CHL1: variants seen among roughly 807,000 people sequenced by gnomAD.
CHL1 encodes the protein cell adhesion molecule L1 like, also known as neural cell adhesion molecule L1-like protein.
Under a neutral mutation model 141.9 loss-of-function variants are expected in CHL1, and 96 were observed. That is an observed-to-expected ratio of 0.68 (90% CI 0.57 to 0.80). The LOEUF (loss-of-function observed/expected upper bound fraction) is 0.80. CHL1 is among the 30% of genes least tolerant of loss of function. CHL1 has a pLI of 0.00. For synonymous variants in CHL1, 613 were observed against 502.2 expected (o/e 1.22, Z -2.95); for missense variants, 1,820 against 1,457.2 (o/e 1.25, Z -4.05).
chr3:388,032 C>G (rs1707898368), intron 19 of CHL1, among the ~76,000 whole-genome samples: 2 of 152,260 alleles, frequency 1.3e-5, no homozygotes, highest in African/African-American at 2.4e-5. Flanking sequence ...ACATTGTTGA[C>G]TCACTCACAT....
chr3:338,663 C>T (rs776714274), intron 5 of CHL1, among the ~76,000 whole-genome samples: 15 of 152,138 alleles, frequency 9.9e-5, no homozygotes, highest in South Asian at 2.1e-4. Context: ...TATAAGTATG[C>T]GTCCCTGTTT....
At chr3:315,602 G>T (rs1452007774) in intron 2 of CHL1, among the ~76,000 whole-genome samples, 5 of 152,082 alleles carry the variant, frequency 3.3e-5, no homozygotes, top group African/African-American at 7.2e-5. Flanking sequence ...AAGAGGCAAA[G>T]AATTTTATTT....
At chr3:260,846 T>C (rs1369807446) in intron 2 of CHL1, among the ~76,000 whole-genome samples, 1 of 152,186 alleles carries the variant, frequency 6.6e-6, no homozygotes, top group Non-Finnish European at 1.5e-5. Context: ...GCCAAATGGT[T>C]TTTAAATGAG....
chr3:202,795 T>C (rs574690377), intron 1 of CHL1, among the ~76,000 whole-genome samples: 1 of 152,380 alleles, frequency 6.6e-6, no homozygotes, highest in East Asian at 1.9e-4. Flanking sequence ...CTTTATTCTC[T>C]GAAGATCTCA....
At chr3:235,901 A>AC (rs1400196936) in intron 1 of CHL1, among the ~76,000 whole-genome samples, 3 of 152,278 alleles carry the variant, frequency 2.0e-5, no homozygotes, top group Admixed American at 6.5e-5. Flanking sequence ...AAGGTGGGAA[A>AC]CAGAGGACTA....
At chr3:278,524 G>T (rs760321138) in intron 2 of CHL1, among the ~76,000 whole-genome samples, 1 of 152,100 alleles carries the variant, frequency 6.6e-6, no homozygotes, top group African/African-American at 2.4e-5. Context: ...ATGAACCATG[G>T]CCAAGAGATC....
chr3:295,193 G>T (rs542503731), intron 2 of CHL1, among the ~76,000 whole-genome samples: 2 of 152,132 alleles, frequency 1.3e-5, no homozygotes, highest in East Asian at 3.9e-4. Flanking sequence ...TTTAGGGAAG[G>T]AGCTGATTTC....
intron 1 of CHL1, among the ~76,000 whole-genome samples, chr3:226,867 A>G (rs1383728138): frequency 6.6e-6 from 1 of 152,222 alleles, no homozygotes; most frequent in African/African-American, 2.4e-5. Context: ...TTTTCTAAGT[A>G]GACTTCATAT....
chr3:354,581 C>T (rs1575145401), intron 10 of CHL1, 59 bp from the exon 11 acceptor site: 3 of 1,552,938 alleles, frequency 1.9e-6, no homozygotes, highest in Non-Finnish European at 2.6e-6. Flanking sequence ...CAGGCCTTAA[C>T]ATTTTTGGAC....
At chr3:311,514 T>C (rs1297441981) in intron 2 of CHL1, among the ~76,000 whole-genome samples, 1 of 152,088 alleles carries the variant, frequency 6.6e-6, no homozygotes, top group Non-Finnish European at 1.5e-5. Flanking sequence ...GCCCACTGGA[T>C]GCAAATAGCA....
intron 1 of CHL1, among the ~76,000 whole-genome samples, chr3:228,078 A>G (rs910488820): frequency 6.6e-6 from 1 of 152,176 alleles, no homozygotes; most frequent in African/African-American, 2.4e-5. Flanking sequence ...AACACTGCCT[A>G]ATGGAATTGA....
intron 5 of CHL1, 91 bp downstream of exon 5, chr3:328,445 A>C (rs1701178327): frequency 1.9e-6 from 2 of 1,078,506 alleles, no homozygotes; most frequent in East Asian, 5.1e-5. Flanking sequence ...TAAAGCAGTT[A>C]TTAACTAAAT....
At chr3:391,190 A>G (rs755605872) in intron 22 of CHL1, 31 bp downstream of exon 22, 4 of 1,512,598 alleles carry the variant, frequency 2.6e-6, no homozygotes, top group Middle Eastern at 3.4e-4. Context: ...AGTCATGTCA[A>G]AAATGGAGGT....
intron 1 of CHL1, chr3:197,872 C>CTTT (rs58240971): frequency 0.098 from 34,157 of 349,028 alleles, 1,548 homozygotes; most frequent in East Asian, 0.27. Context: ...CTTTCTCTCG[C>CTTT]TTTTTTTTTT....
chr3:293,750 C>A (rs1162468397), intron 2 of CHL1, among the ~76,000 whole-genome samples: 2 of 151,628 alleles, frequency 1.3e-5, no homozygotes, highest in Non-Finnish European at 2.9e-5. Context: ...GATACATTTA[C>A]TTATGTGTGT....
At chr3:379,111 G>A (rs969418813) in intron 16 of CHL1, among the ~76,000 whole-genome samples, 22 of 152,082 alleles carry the variant, frequency 1.4e-4, no homozygotes, top group Admixed American at 6.6e-5. Context: ...CACTCCAGCT[G>A]TTGGGGCCAC....
chr3:292,894 C>T (rs1281193217), intron 2 of CHL1, among the ~76,000 whole-genome samples: 1 of 152,134 alleles, frequency 6.6e-6, no homozygotes, highest in Non-Finnish European at 1.5e-5. Flanking sequence ...CAGATACCTC[C>T]TACCAGGCAC....
rs749639093 is a variant in CHL1, at chr3:383,876, T to C, written c.2237T>C (p.Ile746Thr). The change falls in exon 19 of 28, where the codon ATA becomes ACA. Residue 746 changes from isoleucine to threonine, a missense_variant. Coordinates refer to ENST00000256509, the MANE Select transcript of CHL1 (RefSeq NM_006614.4). ...GCCTCTCAACCCAAGGAAATGATTA[T>C]AAAGTGGGAGGTGTGTATTTCTTAA... ...VQASQPKEMI[I>T]KWEPLKSMEQ... 2 of 1,608,146 alleles carry C rather than the reference T, an allele frequency of 1.2e-6. No individual in the cohort carries two copies. The highest frequency in any genetic ancestry group is 1.7e-6 in the Non-Finnish European group (2 of 1,175,766).
chr3:382,743 A>G (rs1369232198), intron 18 of CHL1, 72 bp downstream of exon 18: 1 of 1,313,902 alleles, frequency 7.6e-7, no homozygotes, highest in South Asian at 1.2e-5. Context: ...CTAAAAAAAA[A>G]AGATTGATAG....
Sources: allele counts gnomAD v4.1 joint callset (sites outside exome capture counted in the v4.1 genomes callset), GRCh38; gene constraint gnomAD v4.1.1; transcripts MANE v1.5; gene names NCBI Gene and HGNC (gene_info 2026-07-23, HGNC 2026-07-21).